Variants in TMEM135 observed in about 807,000 individuals in gnomAD.
The protein encoded by TMEM135 is transmembrane protein 135.
Under a neutral mutation model 60.3 loss-of-function variants are expected in TMEM135, and 30 were observed. That is an observed-to-expected ratio of 0.50 (90% CI 0.37 to 0.68). TMEM135 has a LOEUF of 0.68. TMEM135 is among the 30% of genes least tolerant of loss of function. The pLI, the probability that TMEM135 is intolerant of heterozygous loss-of-function variation, is 0.00. For synonymous variants in TMEM135, 190 were observed against 186.7 expected (o/e 1.02, Z -0.14); for missense variants, 468 against 548.8 (o/e 0.85, Z 1.47).
intron 4 of TMEM135, among the ~76,000 whole-genome samples, chr11:87,112,219 A>T (rs1332597163): frequency 6.6e-6 from 1 of 152,176 alleles, no homozygotes; most frequent in East Asian, 1.9e-4. Flanking sequence ...CGTCTGTGTT[A>T]AATCATTTTA....
chr11:87,096,555 G>T (rs1395855992), intron 4 of TMEM135: 1 of 152,180 alleles, frequency 6.6e-6, no homozygotes, highest in Non-Finnish European at 1.5e-5. Context: ...ATTTGGAATA[G>T]TTAAAACCAT....
At chr11:87,101,522 A>G (rs1857455818) in intron 4 of TMEM135, among the ~76,000 whole-genome samples, 2 of 152,178 alleles carry the variant, frequency 1.3e-5, no homozygotes, top group Non-Finnish European at 2.9e-5. Flanking sequence ...CTGTAATTTT[A>G]TTTATGCCAC....
chr11:87,042,687 T>C lies in TMEM135; in HGVS notation c.141+4501T>C, dbSNP rs542067858. 1.2e-4 allele frequency among the ~76,000 whole-genome samples: 18 copies of C among 152,360 alleles called. No individual in the cohort carries two copies. In the South Asian group the frequency reaches 3.3e-3, roughly 28 times the overall value. On this transcript the variant is annotated intron_variant, in intron 1 of 14. Coordinates refer to ENST00000305494, the MANE Select transcript of TMEM135 (RefSeq NM_022918.4). ...TCTGGAGCCTATAAAATGGGTCTTA[T>C]GTATCTGCTTTTCATTGGAAACATT...
intron 6 of TMEM135, among the ~76,000 whole-genome samples, chr11:87,252,512 C>A (rs1941437590): frequency 6.6e-6 from 1 of 152,046 alleles, no homozygotes; most frequent in African/African-American, 2.4e-5. Context: ...GTGGCTCATG[C>A]CTGTAATCCC....
At chr11:87,178,328 G>C (rs1939430018) in intron 5 of TMEM135, 1 of 444,522 alleles carries the variant, frequency 2.2e-6, no homozygotes, top group Non-Finnish European at 4.5e-6. Flanking sequence ...ACAAAGTCCA[G>C]ATATATTTTT....
intron 14 of TMEM135, 54 bp from the exon 15 acceptor site, chr11:87,321,147 A>G: frequency 6.8e-7 from 1 of 1,481,156 alleles, no homozygotes; most frequent in South Asian, 1.3e-5. Context: ...AAAATGAATT[A>G]TTTTATTTTA....
At chr11:87,146,906 G>A (rs933039103) in intron 4 of TMEM135, among the ~76,000 whole-genome samples, 9 of 151,632 alleles carry the variant, frequency 5.9e-5, no homozygotes, top group Admixed American at 5.3e-4. Flanking sequence ...TGCCTAATAG[G>A]AAATAAATAT....
At chr11:87,075,699 C>T (rs546047615) in intron 3 of TMEM135, among the ~76,000 whole-genome samples, 2 of 152,280 alleles carry the variant, frequency 1.3e-5, no homozygotes, top group Non-Finnish European at 2.9e-5. Context: ...TCTGATTTGT[C>T]TGAGTTATTT....
chr11:87,154,479 T>G (rs1363194603), intron 4 of TMEM135, among the ~76,000 whole-genome samples: 1 of 152,236 alleles, frequency 6.6e-6, no homozygotes, highest in Middle Eastern at 3.2e-3. Context: ...TCAGTAGTTA[T>G]GGATATATAC....
At chr11:87,142,314 T>G (rs1419925553) in intron 4 of TMEM135, among the ~76,000 whole-genome samples, 4 of 152,150 alleles carry the variant, frequency 2.6e-5, no homozygotes, top group Non-Finnish European at 4.4e-5. Context: ...GCAACTAGTT[T>G]AGGAGAGCCT....
intron 6 of TMEM135, among the ~76,000 whole-genome samples, chr11:87,259,499 ATT>A (rs1257076386): frequency 7.2e-5 from 11 of 152,188 alleles, no homozygotes; most frequent in African/African-American, 2.7e-4. Context: ...ATTTTTAAGA[ATT>A]AGCATAGATA....
intron 10 of TMEM135, among the ~76,000 whole-genome samples, chr11:87,311,107 CTATATATA>C (rs10572803): frequency 6.7e-6 from 1 of 148,480 alleles, no homozygotes; most frequent in African/African-American, 2.5e-5. Flanking sequence ...ATATATATGT[CTATATATA>C]TATATATACG....
chr11:87,199,847 T>C (rs1185222486), intron 5 of TMEM135, among the ~76,000 whole-genome samples: 3 of 152,174 alleles, frequency 2.0e-5, no homozygotes, highest in Non-Finnish European at 4.4e-5. Context: ...GGAGAATTGC[T>C]TGACCCTGGG....
chr11:87,205,012 A>G (rs1442950995), intron 5 of TMEM135, among the ~76,000 whole-genome samples: 1 of 152,188 alleles, frequency 6.6e-6, no homozygotes, highest in African/African-American at 2.4e-5. Context: ...CCATTTTGTA[A>G]ACTATTGCAC....
chr11:87,246,644 C>G (rs1003114780), intron 6 of TMEM135, among the ~76,000 whole-genome samples: 2 of 150,084 alleles, frequency 1.3e-5, no homozygotes, highest in Admixed American at 6.6e-5. Flanking sequence ...TTGATTGTGT[C>G]GGCTCCTGAG....
intron 6 of TMEM135, among the ~76,000 whole-genome samples, chr11:87,258,113 ATATT>A (rs1319140942): frequency 2.0e-5 from 3 of 151,758 alleles, no homozygotes; most frequent in African/African-American, 7.3e-5. Context: ...TATATTATAT[ATATT>A]TGATTATATA....
rs1410752424 is a variant in TMEM135 at position 87,326,889 on chromosome 11, C to CATCATTGAA, written c.*5557_*5565dup. 1 of 446,752 alleles carries CATCATTGAA rather than the reference C, an allele frequency of 2.2e-6. No individual in the cohort carries two copies. Among genetic ancestry groups the CATCATTGAA allele is most frequent in the Non-Finnish European group, 4.4e-6 (1 of 225,514 alleles). 27.7% of individuals were successfully genotyped at this position (446,752 alleles called of 1,614,324 possible). On this transcript the variant is annotated 3_prime_UTR_variant, in exon 15 of 15. Transcript: ENST00000305494. ...ATAAATAAATCTATGAAACTAGAGGCATCATTGAATCATCTGAGGACCTTT... is the reference window on the plus strand; with the variant it reads ...ATAAATAAATCTATGAAACTAGAGGCATCATTGAAATCATTGAATCATCTGAGGACCTTT...
At chr11:87,169,952 T>A (rs1939186093) in intron 5 of TMEM135, among the ~76,000 whole-genome samples, 1 of 152,206 alleles carries the variant, frequency 6.6e-6, no homozygotes, top group Admixed American at 6.5e-5. Context: ...AAACATAGGT[T>A]TGGTCTTTTC....
chr11:87,202,713 A>T (rs1940140814), intron 5 of TMEM135, among the ~76,000 whole-genome samples: 2 of 147,908 alleles, frequency 1.4e-5, no homozygotes, highest in Admixed American at 1.4e-4. Context: ...TCCCAAGTGA[A>T]TTTTTTTAAA....
Sources: allele counts gnomAD v4.1 joint callset (sites outside exome capture counted in the v4.1 genomes callset), GRCh38; gene constraint gnomAD v4.1.1; transcripts MANE v1.5; gene names NCBI Gene and HGNC (gene_info 2026-07-23, HGNC 2026-07-21).